The following ACAD10 variants were observed in gnomAD, a reference collection of about 807,000 sequenced individuals.
The protein encoded by ACAD10 is acyl-CoA dehydrogenase family member 10.
A neutral mutation model predicts 116.8 loss-of-function variants in ACAD10; 112 were observed. The ratio of observed to expected loss-of-function variants is 0.96; its 90% confidence interval spans 0.82 to 1.12. ACAD10 has a LOEUF of 1.12. Ranked by LOEUF, ACAD10 falls within the 50% of genes most tolerant of loss-of-function variation. The probability of loss-of-function intolerance (pLI) is 0.00; values close to 1 mark genes in which losing one functional copy is unlikely to be tolerated. For synonymous variants in ACAD10, 486 were observed against 510.6 expected (o/e 0.95, Z 0.65); for missense variants, 1,259 against 1,350.2 (o/e 0.93, Z 1.06).
At position 111,727,853 on chromosome 12, in the gene ACAD10, C is replaced by G. The variant is rs1889264056; in HGVS notation, c.1062-109C>G. On this transcript the variant is annotated intron_variant, in intron 8 of 20. Coordinates refer to ENST00000313698, the MANE Select transcript of ACAD10 (RefSeq NM_025247.6). Reference sequence around the variant, plus strand: ...CAGTGCTCTGGGTCTGAACTCTTCACCAGCTCTCAACCTGTATACCCAGGG... The same window carrying G: ...CAGTGCTCTGGGTCTGAACTCTTCAGCAGCTCTCAACCTGTATACCCAGGG... 1.9e-5 allele frequency: 22 copies of G among 1,145,676 alleles called. No homozygotes were observed. The South Asian group carries it at 3.1e-4, about 16-fold the overall frequency. The allele number at this position is 1,145,676 out of a possible 1,614,324, so 71.0% of individuals were successfully genotyped here. A position where few individuals can be genotyped will look rare whatever the true frequency, so the allele number is the denominator to read the frequency against.
chr12:111,753,783 C>G lies in ACAD10; in HGVS notation c.2829C>G (p.Arg943=), dbSNP rs1337704405. ...LALMKARVKS[R]LAFGKPLVEQ... Reference sequence around the variant, plus strand: ...TCCTGTGTCGACAGGTGAAGTCCCGCTTGGCTTTTGGGAAGCCCCTGGTGG... The same window carrying G: ...TCCTGTGTCGACAGGTGAAGTCCCGGTTGGCTTTTGGGAAGCCCCTGGTGG... Residue 943 remains arginine, a synonymous_variant, in exon 19 of 21, where the codon CGC becomes CGG. Transcript: ENST00000313698. The G allele has an allele frequency of 1.9e-6, 3 of 1,613,840 alleles. No homozygotes were observed. In the Admixed American group the frequency reaches 5.0e-5, roughly 27 times the overall value.
chr12:111,752,730 G>A (rs1157941019), intron 18 of ACAD10: 2 of 151,970 alleles, frequency 1.3e-5, no homozygotes, highest in Non-Finnish European at 2.9e-5. Context: ...ATTAACTAGT[G>A]GTGACTAGAT....
chr12:111,748,932 T>G (rs1453687878), intron 17 of ACAD10: 6 of 1,354,922 alleles, frequency 4.4e-6, no homozygotes, highest in Non-Finnish European at 5.1e-6. Flanking sequence ...TAAGGTGGCA[T>G]TATTATGTTT....
At chr12:111,693,995 C>T (rs1021480008) in intron 2 of ACAD10, among the ~76,000 whole-genome samples, 2 of 152,084 alleles carry the variant, frequency 1.3e-5, no homozygotes, top group African/African-American at 2.4e-5. Flanking sequence ...TTGGCTGTGT[C>T]GCCTCCTGCT....
At chr12:111,706,782 A>ATATATT (rs778649893) in intron 4 of ACAD10, among the ~76,000 whole-genome samples, 3 of 126,504 alleles carry the variant, frequency 2.4e-5, no homozygotes, top group Admixed American at 8.5e-5. Flanking sequence ...ATATATATAT[A>ATATATT]TTTTTTTTTT....
At chr12:111,728,280 C>A in intron 9 of ACAD10, 137 bp downstream of exon 9, 1 of 880,654 alleles carries the variant, frequency 1.1e-6, no homozygotes, top group Non-Finnish European at 1.6e-6. Context: ...CTTGGAAATC[C>A]AGTTTAGTTT....
chr12:111,748,635 A>G, intron 17 of ACAD10, 160 bp downstream of exon 17: 1 of 781,882 alleles, frequency 1.3e-6, no homozygotes, highest in Non-Finnish European at 2.0e-6. Context: ...CCATACATGA[A>G]TATCAACCAT....
chr12:111,687,352 C>A (rs987030534), intron 1 of ACAD10, among the ~76,000 whole-genome samples: 4 of 152,004 alleles, frequency 2.6e-5, no homozygotes, highest in South Asian at 2.1e-4. Context: ...CCTGATTATT[C>A]TTTTTTGTTT....
Position 111,709,593 on chromosome 12 carries a change from A to G in ACAD10, c.599A>G (p.Gln200Arg), listed in dbSNP as rs35276160. 4,709 of 1,614,018 alleles carry G rather than the reference A, an allele frequency of 2.9e-3. 123 individuals are homozygous for G. In the African/African-American group the frequency reaches 0.054, roughly 18 times the overall value. ...DPRIYKLCLE[Q>R]LGLQPSESIF... ...AGGATCTACAAGCTGTGCTTGGAGC[A>G]GCTCGGCCTGCAGCCCTCTGAGTCC... The change falls in exon 5 of 21, where the codon CAG (glutamine) becomes CGG (arginine). Residue 200 changes from glutamine (Q) to arginine (R), a missense_variant. Transcript: ENST00000313698.
intron 2 of ACAD10, among the ~76,000 whole-genome samples, chr12:111,697,906 G>A (rs1489881020): frequency 1.4e-5 from 2 of 140,838 alleles, no homozygotes; most frequent in African/African-American, 2.6e-5. Context: ...TTATTTTAAT[G>A]TTCATTTGCC....
chr12:111,753,671 T>A, intron 18 of ACAD10, 101 bp from the exon 19 acceptor site: 3 of 1,510,656 alleles, frequency 2.0e-6, no homozygotes, highest in Non-Finnish European at 2.7e-6. Context: ...CCCTGCCCTG[T>A]CCTGTCTGCT....
rs183879373 is a variant in ACAD10 at position 111,733,860 on chromosome 12, G to A, written c.1395-63G>A. On this transcript the variant is annotated intron_variant, in intron 10 of 20. Transcript: ENST00000313698. ...CAAGCCTAAAGGGCAAACAGACCAC[G>A]CAGAATCCACCCTAGCCGGCAGTTT... The A allele has an allele frequency of 2.1e-4, 336 of 1,604,794 alleles. 1 individual carries two copies. In the East Asian group the frequency reaches 5.7e-3, roughly 27 times the overall value.
At chr12:111,737,995 G>A (rs1669783542) in intron 12 of ACAD10, among the ~76,000 whole-genome samples, 1 of 151,998 alleles carries the variant, frequency 6.6e-6, no homozygotes. Flanking sequence ...TGGGATTATA[G>A]GCACATACCA....
chr12:111,756,168 G>A (rs1372619996), intron 20 of ACAD10, 165 bp from the exon 21 acceptor site: 2 of 1,427,074 alleles, frequency 1.4e-6, no homozygotes, highest in African/African-American at 2.9e-5. Context: ...GGCAGGTGTG[G>A]CCCCATGGAA....
intron 3 of ACAD10, among the ~76,000 whole-genome samples, chr12:111,704,688 C>CTTTTTTTTT (rs59745029): frequency 1.5e-4 from 19 of 126,130 alleles, no homozygotes; most frequent in African/African-American, 3.1e-4. Context: ...TTCTTTCTTT[C>CTTTTTTTTT]TTTTTTTTTT....
At position 111,686,105 on chromosome 12, in the gene ACAD10, A is replaced by T. The variant is rs1887835691; in HGVS notation, c.-148A>T. ...AGGTCGGAGCGGAAGGACGTCGTGG[A>T]GATTGCTTGCGCTGGGGTGCCACAC... On this transcript the variant is annotated 5_prime_UTR_variant, in exon 1 of 21. Coordinates refer to ENST00000313698, the MANE Select transcript of ACAD10 (RefSeq NM_025247.6). The T allele has an allele frequency of 5.4e-6, 1 of 184,682 alleles. No homozygotes were observed. Among genetic ancestry groups the T allele is most frequent in the South Asian group, 1.8e-4 (1 of 5,620 alleles). 11.4% of individuals were successfully genotyped at this position (184,682 alleles called of 1,614,324 possible).
rs138236455 is a variant in ACAD10 at position 111,703,008 on chromosome 12, C to T, written c.336+698C>T. Among the ~76,000 whole-genome samples, 44 of 150,860 alleles carry T rather than the reference C, an allele frequency of 2.9e-4. No homozygotes were observed. The East Asian group carries it at 7.6e-3, about 26-fold the overall frequency. On this transcript the variant is annotated intron_variant, in intron 3 of 20. Coordinates refer to ENST00000313698, the MANE Select transcript of ACAD10 (RefSeq NM_025247.6). ...TATTCAGGAGGCTGAGGCTTGAGCC[C>T]TAGGGATTGAAACTTCAGTGAACCA...
chr12:111,742,943 G>C (rs1262699276), intron 12 of ACAD10, among the ~76,000 whole-genome samples: 1 of 152,060 alleles, frequency 6.6e-6, no homozygotes, highest in African/African-American at 2.4e-5. Context: ...CTGACCTCCA[G>C]TAATCCACCC....
chr12:111,692,663 G>T, intron 1 of ACAD10, 34 bp from the exon 2 acceptor site: 1 of 1,585,514 alleles, frequency 6.3e-7, no homozygotes, highest in Non-Finnish European at 8.6e-7. Context: ...AGGCAGTGCA[G>T]GCAAGTAACG....
Sources: gnomAD v4.1 joint callset for allele counts (sites outside exome capture counted in the v4.1 genomes callset) on GRCh38, gnomAD v4.1.1 for gene constraint, MANE v1.5 for transcripts, NCBI Gene and HGNC (gene_info 2026-07-23, HGNC 2026-07-21) for gene names.